C3orf70: variants seen among roughly 807,000 people sequenced by gnomAD.
C3orf70 encodes the protein UPF0524 protein C3orf70.
A neutral mutation model predicts 20.7 loss-of-function variants in C3orf70; 15 were observed. The observed-to-expected ratio is 0.72, with a 90% CI of 0.48 to 1.11. The LOEUF (loss-of-function observed/expected upper bound fraction) is 1.11. Among genes scored for constraint, C3orf70 ranks in the 50% most tolerant of loss-of-function variants. The probability of loss-of-function intolerance (pLI) is 0.00; values close to 1 mark genes in which losing one functional copy is unlikely to be tolerated. For missense variants in C3orf70, 332 were observed against 317.6 expected (o/e 1.05, Z -0.34); for synonymous variants, 161 against 125.7 (o/e 1.28, Z -1.88).
At chr3:185,117,559 T>C (rs1716207448) in intron 1 of C3orf70, among the ~76,000 whole-genome samples, 1 of 152,108 alleles carries the variant, frequency 6.6e-6, no homozygotes, top group Admixed American at 6.5e-5. Flanking sequence ...CATGTATTAC[T>C]TAGCAAAGAA....
At chr3:185,093,205 G>A (rs1271459962) in intron 1 of C3orf70, among the ~76,000 whole-genome samples, 3 of 152,158 alleles carry the variant, frequency 2.0e-5, no homozygotes, top group Non-Finnish European at 2.9e-5. Context: ...CAAGCAACCT[G>A]TACAGGGCAG....
At position 185,083,304 on chromosome 3, in the gene C3orf70, T is replaced by C. The variant is rs754007451; in HGVS notation, c.456A>G (p.Pro152=). 6.2e-7 allele frequency: 1 copy of C among 1,614,208 alleles called. No individual in the cohort carries two copies. The highest frequency in any genetic ancestry group is 8.5e-7 in the Non-Finnish European group (1 of 1,180,026). Residue 152 remains proline (P), a synonymous_variant, in exon 2 of 2, where the codon CCA becomes CCG. Coordinates refer to ENST00000335012, the MANE Select transcript of C3orf70 (RefSeq NM_001025266.3). ...CCTCAGGGCTCATTCTGTGGGAATGTGGTGCCGGCTGCTTCTGCACATAAC... is the reference window on the plus strand; with the variant it reads ...CCTCAGGGCTCATTCTGTGGGAATGCGGTGCCGGCTGCTTCTGCACATAAC... ...KMCYVQKQPA[P]HSHRMSPEEV... is the part of the protein sequence containing the mutation.
intron 1 of C3orf70, among the ~76,000 whole-genome samples, chr3:185,109,454 C>T (rs1188735679): frequency 1.3e-5 from 2 of 152,140 alleles, no homozygotes; most frequent in African/African-American, 2.4e-5. Flanking sequence ...AAGGACCCCC[C>T]GGTTGCAGCC....
intron 1 of C3orf70, among the ~76,000 whole-genome samples, chr3:185,095,223 C>T (rs753800339): frequency 3.5e-4 from 54 of 152,142 alleles, no homozygotes; most frequent in African/African-American, 6.3e-4. Flanking sequence ...ATCACTAGTG[C>T]GTGGGTTGAG....
intron 1 of C3orf70, among the ~76,000 whole-genome samples, chr3:185,150,514 G>A (rs1340136782): frequency 6.6e-6 from 1 of 152,126 alleles, no homozygotes; most frequent in Non-Finnish European, 1.5e-5. Context: ...GTGTGAGATG[G>A]GCAAACAGTG....
At chr3:185,104,237 TG>T (rs1204776623) in intron 1 of C3orf70, among the ~76,000 whole-genome samples, 7 of 152,220 alleles carry the variant, frequency 4.6e-5, no homozygotes, top group Non-Finnish European at 7.3e-5. Context: ...ATGATGAGCT[TG>T]GGTAACACCT....
chr3:185,105,826 G>A (rs1446429110), intron 1 of C3orf70, among the ~76,000 whole-genome samples: 4 of 152,220 alleles, frequency 2.6e-5, no homozygotes, highest in Admixed American at 2.0e-4. Context: ...AATCCCTGTG[G>A]TGAGTAAGAA....
rs1348114334 is a variant in C3orf70, at chr3:185,091,914, TA to T, written c.197-8352del. Among the ~76,000 whole-genome samples, 23 of 8,638 alleles carry T rather than the reference TA, an allele frequency of 2.7e-3. 2 individuals carry two copies. The highest frequency in any genetic ancestry group is 8.9e-3 in the East Asian group (2 of 224). 5.7% of individuals were successfully genotyped at this position (8,638 alleles called of 152,430 possible). A position where few individuals can be genotyped will look rare whatever the true frequency, so the allele number is the denominator to read the frequency against. On this transcript the variant is annotated intron_variant, in intron 1 of 1. Transcript: ENST00000335012. ...ACACACATACACACACACACATACA[TA>T]TATATATATATATATATATATATAT...
chr3:185,077,716 T>C lies in C3orf70; in HGVS notation c.*5291A>G, dbSNP rs1482554695. Among the ~76,000 whole-genome samples, 5 of 143,052 alleles carry C rather than the reference T, an allele frequency of 3.5e-5. No homozygotes were observed. The highest frequency in any genetic ancestry group is 6.0e-5 in the Non-Finnish European group (4 of 66,328). The allele number at this position is 143,052 out of a possible 152,430, so 93.8% of individuals were successfully genotyped here. On this transcript the variant is annotated 3_prime_UTR_variant, in exon 2 of 2. Coordinates refer to ENST00000335012, the MANE Select transcript of C3orf70 (RefSeq NM_001025266.3). ...CTTCAGTTAGAACTGCAGCCAACAC[T>C]GCCCCACATGACACGTGTAAGCCGA...
chr3:185,139,785 A>C (rs748026292), intron 1 of C3orf70, among the ~76,000 whole-genome samples: 13 of 152,196 alleles, frequency 8.5e-5, no homozygotes, highest in Admixed American at 2.0e-4. Context: ...ATAGGCAAAG[A>C]AGTGAATTGT....
chr3:185,103,655 C>A (rs2108593304), intron 1 of C3orf70, among the ~76,000 whole-genome samples: 1 of 152,274 alleles, frequency 6.6e-6, no homozygotes, highest in South Asian at 2.1e-4. Flanking sequence ...CCATCTCACA[C>A]TGAGGGAGAA....
chr3:185,086,577 C>T (rs749960273), intron 1 of C3orf70, among the ~76,000 whole-genome samples: 2 of 152,180 alleles, frequency 1.3e-5, no homozygotes, highest in Non-Finnish European at 2.9e-5. Flanking sequence ...TTAGAATTCT[C>T]AGCTTCTAGA....
intron 1 of C3orf70, among the ~76,000 whole-genome samples, chr3:185,118,686 T>C (rs535643320): frequency 4.9e-4 from 74 of 152,344 alleles, no homozygotes; most frequent in African/African-American, 1.8e-3. Flanking sequence ...TTGCATACTT[T>C]TTTTAAACTA....
chr3:185,101,016 A>G (rs1715810643), intron 1 of C3orf70, among the ~76,000 whole-genome samples: 2 of 152,180 alleles, frequency 1.3e-5, no homozygotes, highest in African/African-American at 4.8e-5. Flanking sequence ...ACTAGTAACA[A>G]GCTCTGAAAT....
intron 1 of C3orf70, among the ~76,000 whole-genome samples, chr3:185,151,251 CTG>C (rs1449263621): frequency 2.6e-5 from 4 of 152,326 alleles, no homozygotes; most frequent in Middle Eastern, 3.4e-3. Flanking sequence ...AGAGAAGACA[CTG>C]TCAAAATAAG....
chr3:185,090,825 TACTTTGA>T (rs1319699245), intron 1 of C3orf70, among the ~76,000 whole-genome samples: 4 of 152,208 alleles, frequency 2.6e-5, no homozygotes, highest in Non-Finnish European at 5.9e-5. Context: ...AATATTTTTG[TACTTTGA>T]GCTGTGAGGA....
intron 1 of C3orf70, among the ~76,000 whole-genome samples, chr3:185,127,736 G>A (rs13090759): frequency 0.59 from 89,745 of 152,018 alleles, 27,029 homozygotes; most frequent in Non-Finnish European, 0.67. Flanking sequence ...CACCATGACC[G>A]GCCACTATTT....
intron 1 of C3orf70, among the ~76,000 whole-genome samples, chr3:185,144,644 G>A (rs1323016175): frequency 6.6e-6 from 1 of 152,126 alleles, no homozygotes; most frequent in Non-Finnish European, 1.5e-5. Context: ...GCTAATTTTT[G>A]TATTTTCAGT....
intron 1 of C3orf70, among the ~76,000 whole-genome samples, chr3:185,109,874 G>A (rs181889891): frequency 5.9e-5 from 9 of 152,020 alleles, no homozygotes; most frequent in Admixed American, 1.3e-4. Context: ...AATAATGAAC[G>A]TACTTGTTTA....
Sources: gnomAD v4.1 joint callset for allele counts (sites outside exome capture counted in the v4.1 genomes callset) on GRCh38, gnomAD v4.1.1 for gene constraint, MANE v1.5 for transcripts, NCBI Gene and HGNC (gene_info 2026-07-23, HGNC 2026-07-21) for gene names.